The following LARP1B variants were observed in gnomAD, a reference collection of about 807,000 sequenced individuals.
LARP1B encodes la-related protein 1B.
In LARP1B, 76 loss-of-function variants were observed where a neutral mutation model predicts 114.2. The observed-to-expected ratio is 0.67, with a 90% CI of 0.55 to 0.81. The LOEUF (loss-of-function observed/expected upper bound fraction) is 0.81, where lower values mean the gene tolerates loss of function less well. LARP1B is among the 30% of genes least tolerant of loss of function. LARP1B has a pLI of 0.00. For synonymous variants in LARP1B, 345 were observed against 348.0 expected, an observed-to-expected ratio of 0.99 and a Z score of 0.10; for missense variants, 1,014 against 1,075.8, an observed-to-expected ratio of 0.94 and a Z score of 0.80.
intron 6 of LARP1B, among the ~76,000 whole-genome samples, chr4:128,219,492 G>GT (rs1759811466): frequency 1.2e-5 from 1 of 82,982 alleles, no homozygotes; most frequent in East Asian, 3.2e-4. Flanking sequence ...CATGTCCTTT[G>GT]TAGGGACATG....
At chr4:128,073,440 A>AG (rs1327367868) in intron 1 of LARP1B, among the ~76,000 whole-genome samples, 2 of 107,390 alleles carry the variant, frequency 1.9e-5, no homozygotes, top group Admixed American at 1.1e-4. Flanking sequence ...AAAAAAAAAA[A>AG]AAAAAAAGAA....
At chr4:128,082,015 C>T in intron 4 of LARP1B, 150 bp from the exon 5 acceptor site, 1 of 751,336 alleles carries the variant, frequency 1.3e-6, no homozygotes, top group Non-Finnish European at 2.2e-6. Context: ...GGATTACAGG[C>T]ATGAGCCACC....
chr4:128,221,830 A>G (rs1160892382), intron 7 of LARP1B, among the ~76,000 whole-genome samples: 1 of 152,232 alleles, frequency 6.6e-6, no homozygotes, highest in Non-Finnish European at 1.5e-5. Flanking sequence ...TGTTAGAAAC[A>G]TGAGTTGAAT....
intron 12 of LARP1B, among the ~76,000 whole-genome samples, chr4:128,170,105 A>T (rs546571828): frequency 1.3e-5 from 2 of 152,200 alleles, no homozygotes; most frequent in Admixed American, 6.5e-5. Flanking sequence ...AAGTGATTGG[A>T]ATTTTTTCAG....
chr4:128,101,521 AT>A (rs1244694874), intron 8 of LARP1B, among the ~76,000 whole-genome samples: 1 of 151,470 alleles, frequency 6.6e-6, no homozygotes, highest in Non-Finnish European at 1.5e-5. Flanking sequence ...ATAGATAAGT[AT>A]ATAAGGTTTC....
intron 1 of LARP1B, chr4:128,069,557 T>C: frequency 1.3e-6 from 1 of 740,802 alleles, no homozygotes; most frequent in South Asian, 1.4e-5. Flanking sequence ...AGCAACCAAC[T>C]CTCAGAAGAA....
chr4:128,202,591 T>C (rs1443349293), intron 17 of LARP1B, among the ~76,000 whole-genome samples: 1 of 152,214 alleles, frequency 6.6e-6, no homozygotes, highest in Non-Finnish European at 1.5e-5. Context: ...TTGCTATTTA[T>C]GCAATTTCTG....
At chr4:128,067,668 A>G (rs938144336) in intron 1 of LARP1B, among the ~76,000 whole-genome samples, 2 of 150,892 alleles carry the variant, frequency 1.3e-5, no homozygotes, top group Admixed American at 6.6e-5. Flanking sequence ...AACTTCTCCC[A>G]TCTGTGTCCT....
intron 1 of LARP1B, among the ~76,000 whole-genome samples, chr4:128,066,918 C>T (rs1763181047): frequency 6.6e-6 from 1 of 151,658 alleles, no homozygotes; most frequent in Non-Finnish European, 1.5e-5. Context: ...CTGCCTCAGT[C>T]TCCTGAGTAG....
chr4:128,085,222 T>A (rs564582895), intron 5 of LARP1B, among the ~76,000 whole-genome samples: 35 of 152,244 alleles, frequency 2.3e-4, no homozygotes, highest in African/African-American at 7.9e-4. Context: ...TTTTAAAAAA[T>A]TTTTAAGTTT....
intron 12 of LARP1B, among the ~76,000 whole-genome samples, chr4:128,176,166 TATATTATATATAAATATATA>T (rs1156407039): frequency 7.4e-6 from 1 of 134,602 alleles, no homozygotes; most frequent in African/African-American, 2.6e-5. Flanking sequence ...TATAAATATA[TATATTATATATAAATATATA>T]AATATATTTT....
At chr4:128,190,898 ACTACTC>A (rs1395814010) in intron 15 of LARP1B, among the ~76,000 whole-genome samples, 1 of 152,212 alleles carries the variant, frequency 6.6e-6, no homozygotes, top group Non-Finnish European at 1.5e-5. Flanking sequence ...GAATAAGCTT[ACTACTC>A]CTTGCTCTTA....
At chr4:128,147,742 A>T (rs1730984738) in intron 11 of LARP1B, among the ~76,000 whole-genome samples, 1 of 152,240 alleles carries the variant, frequency 6.6e-6, no homozygotes, top group African/African-American at 2.4e-5. Flanking sequence ...GTCTTCATCA[A>T]ATAATAGAAT....
intron 15 of LARP1B, among the ~76,000 whole-genome samples, chr4:128,187,654 T>C (rs775831098): frequency 6.6e-6 from 1 of 152,192 alleles, no homozygotes; most frequent in Non-Finnish European, 1.5e-5. Context: ...TGGGAAGACA[T>C]GACTAGATTT....
chr4:128,150,452 C>G lies in LARP1B; in HGVS notation c.1525-11742C>G, dbSNP rs535590728. Among the ~76,000 whole-genome samples, 3 of 152,062 alleles carry G rather than the reference C, an allele frequency of 2.0e-5. No individual in the cohort carries two copies. In the East Asian group the frequency reaches 5.8e-4, roughly 29 times the overall value. Reference sequence around the variant, plus strand: ...GTACTACAGGCATGTGTTACCACACCTGACTAATTTTTTACTTTTTTGTGG... The same window carrying G: ...GTACTACAGGCATGTGTTACCACACGTGACTAATTTTTTACTTTTTTGTGG... On this transcript the variant is annotated intron_variant, in intron 11 of 19. Coordinates refer to ENST00000326639, the MANE Select transcript of LARP1B (RefSeq NM_018078.4).
chr4:128,108,161 C>T (rs1350634866), intron 9 of LARP1B: 9 of 1,258,030 alleles, frequency 7.2e-6, no homozygotes, highest in Non-Finnish European at 8.0e-6. Context: ...TGTAATTGGC[C>T]TGGGCTGCAT....
rs200875722 is a variant in LARP1B, at chr4:128,080,400, C to CT, written c.218-1762dup. On this transcript the variant is annotated intron_variant, in intron 4 of 19. Coordinates refer to ENST00000326639, the MANE Select transcript of LARP1B (RefSeq NM_018078.4). ...ATTGATCTAGAGTACAGATTTTTGA[C>CT]TTTAAAAGAAGGGCTTCTTTGTGTC... Among the ~76,000 whole-genome samples, 947 of 152,178 alleles carry CT rather than the reference C, an allele frequency of 6.2e-3. 12 individuals carry two copies. Among genetic ancestry groups the CT allele is most frequent in the African/African-American group, 0.022 (896 of 41,508 alleles).
intron 9 of LARP1B, chr4:128,108,781 GGTAA>G: frequency 1.0e-6 from 1 of 985,058 alleles, no homozygotes; most frequent in Non-Finnish European, 1.2e-6. Context: ...CAAGGCATTG[GGTAA>G]GTTAGATAAA....
intron 7 of LARP1B, among the ~76,000 whole-genome samples, chr4:128,097,641 G>A (rs1481170592): frequency 6.6e-6 from 1 of 152,102 alleles, no homozygotes; most frequent in Admixed American, 6.6e-5. Flanking sequence ...AATTGTGCTG[G>A]TTACTAGGCT....
Sources: gnomAD v4.1 joint callset for allele counts (sites outside exome capture counted in the v4.1 genomes callset) on GRCh38, gnomAD v4.1.1 for gene constraint, MANE v1.5 for transcripts, NCBI Gene and HGNC (gene_info 2026-07-23, HGNC 2026-07-21) for gene names.